ATP1B1: variants seen among roughly 807,000 people sequenced by gnomAD.
ATP1B1 encodes the protein ATPase Na+/K+ transporting subunit beta 1.
A neutral mutation model predicts 39.6 loss-of-function variants in ATP1B1; 3 were observed. The ratio of observed to expected loss-of-function variants is 0.08; its 90% CI spans 0.03 to 0.20. The LOEUF (loss-of-function observed/expected upper bound fraction) is 0.20, where lower values mean the gene tolerates loss of function less well. ATP1B1 is among the 10% of genes least tolerant of loss of function. ATP1B1 has a pLI of 1.00. For missense variants in ATP1B1, 216 were observed against 371.1 expected (o/e 0.58, Z 3.43); for synonymous variants, 139 against 135.0 (o/e 1.03, Z -0.20).
At chr1:169,123,611 C>A (rs956225366) in intron 2 of ATP1B1, among the ~76,000 whole-genome samples, 4 of 149,958 alleles carry the variant, frequency 2.7e-5, no homozygotes, top group African/African-American at 4.9e-5. Context: ...TTATATATAT[C>A]TCTATCTATC....
At chr1:169,108,562 G>T (rs1657655106) in intron 1 of ATP1B1, among the ~76,000 whole-genome samples, 2 of 152,156 alleles carry the variant, frequency 1.3e-5, no homozygotes, top group Non-Finnish European at 2.9e-5. Flanking sequence ...TTGCCTTCTT[G>T]TCTTTTTCCC....
intron 3 of ATP1B1, among the ~76,000 whole-genome samples, chr1:169,126,064 C>A (rs1658078759): frequency 6.6e-6 from 1 of 152,196 alleles, no homozygotes; most frequent in Non-Finnish European, 1.5e-5. Flanking sequence ...CAAGCATTTA[C>A]CAACTCCAGT....
intron 2 of ATP1B1, among the ~76,000 whole-genome samples, chr1:169,120,743 A>G (rs902860640): frequency 2.6e-5 from 4 of 152,188 alleles, no homozygotes; most frequent in African/African-American, 4.8e-5. Flanking sequence ...TGCTTACTGA[A>G]AAATTTGGGC....
At chr1:169,125,943 C>G (rs1658076247) in intron 3 of ATP1B1, among the ~76,000 whole-genome samples, 1 of 152,148 alleles carries the variant, frequency 6.6e-6, no homozygotes, top group African/African-American at 2.4e-5. Context: ...CCACAGCACT[C>G]CAGCCTGGGC....
Position 169,114,637 on chromosome 1 carries a change from G to C in ATP1B1, c.226+3139G>C, listed in dbSNP as rs370517986. On this transcript the variant is annotated intron_variant, in intron 2 of 5. Transcript: ENST00000367815. ...ATCTGAGAGGAGAGACTAAACTACAGAATGGAAGTGAAATGTAAGAAAAAA... is the reference window on the plus strand; with the variant it reads ...ATCTGAGAGGAGAGACTAAACTACACAATGGAAGTGAAATGTAAGAAAAAA... Among the ~76,000 whole-genome samples, 7 of 152,208 alleles carry C rather than the reference G, an allele frequency of 4.6e-5. No homozygotes were observed. In the East Asian group the frequency reaches 1.2e-3, roughly 25 times the overall value.
At chr1:169,126,190 G>T (rs1658081435) in intron 3 of ATP1B1, among the ~76,000 whole-genome samples, 1 of 152,162 alleles carries the variant, frequency 6.6e-6, no homozygotes, top group African/African-American at 2.4e-5. Context: ...TTTCTCATTA[G>T]AATTTAAATG....
intron 5 of ATP1B1, among the ~76,000 whole-genome samples, chr1:169,130,656 G>A (rs984972177): frequency 3.2e-4 from 48 of 151,978 alleles, no homozygotes; most frequent in African/African-American, 1.1e-3. Flanking sequence ...GCGTGGCGGC[G>A]CGTGCCTGTA....
At chr1:169,123,734 C>A (rs12568473) in intron 2 of ATP1B1, among the ~76,000 whole-genome samples, 1 of 151,694 alleles carries the variant, frequency 6.6e-6, no homozygotes, top group African/African-American at 2.4e-5. Context: ...TCAAGTGATT[C>A]TCCTGCCTCA....
chr1:169,126,971 C>T (rs560377138), intron 3 of ATP1B1, among the ~76,000 whole-genome samples: 3 of 152,270 alleles, frequency 2.0e-5, no homozygotes, highest in South Asian at 2.1e-4. Flanking sequence ...CTAAATATTA[C>T]GTGCTGATCA....
intron 2 of ATP1B1, among the ~76,000 whole-genome samples, chr1:169,114,311 A>T (rs1279815165): frequency 6.6e-6 from 1 of 152,180 alleles, no homozygotes; most frequent in East Asian, 1.9e-4. Context: ...CTCCATTTTC[A>T]TGTTTAGTTA....
chr1:169,120,905 A>G (rs1323999300), intron 2 of ATP1B1, among the ~76,000 whole-genome samples: 1 of 151,586 alleles, frequency 6.6e-6, no homozygotes, highest in African/African-American at 2.4e-5. Flanking sequence ...ATTTTCACAA[A>G]TGTGATCTTA....
rs993220474 is a variant in ATP1B1 at position 169,109,249 on chromosome 1, CA to C, written c.98-2114del. Among the ~76,000 whole-genome samples, 17 of 152,012 alleles carry C rather than the reference CA, an allele frequency of 1.1e-4. No homozygotes were observed. The South Asian group carries it at 1.9e-3, about 17-fold the overall frequency. Reference sequence around the variant, plus strand: ...TTGTTTGTTCATTTGTTTGTTTTTCCAAAAAAACCTCTGTATTACTTTTTTT... The same window carrying C: ...TTGTTTGTTCATTTGTTTGTTTTTCCAAAAAACCTCTGTATTACTTTTTTT... On this transcript the variant is annotated intron_variant, in intron 1 of 5. Coordinates refer to ENST00000367815, the MANE Select transcript of ATP1B1 (RefSeq NM_001677.4).
intron 2 of ATP1B1, among the ~76,000 whole-genome samples, chr1:169,115,616 T>C (rs1418243835): frequency 6.6e-6 from 1 of 152,188 alleles, no homozygotes; most frequent in Admixed American, 6.5e-5. Context: ...CCCAAAGTGC[T>C]GGGATTACAG....
intron 5 of ATP1B1, among the ~76,000 whole-genome samples, chr1:169,130,310 C>T (rs113793090): frequency 6.7e-4 from 102 of 152,246 alleles, no homozygotes; most frequent in African/African-American, 2.3e-3. Flanking sequence ...GTCAGTTTCT[C>T]CACTGGCATA....
intron 2 of ATP1B1, among the ~76,000 whole-genome samples, chr1:169,115,348 T>C (rs1657820012): frequency 6.9e-6 from 1 of 144,228 alleles, no homozygotes; most frequent in Admixed American, 6.7e-5. Flanking sequence ...TTTTTCTTTT[T>C]TTCTTTTTTT....
rs752927248 is a variant in ATP1B1, at chr1:169,127,446, A to G, written c.567+38A>G. The G allele has an allele frequency of 2.6e-6, 4 of 1,566,854 alleles. No individual in the cohort carries two copies. The South Asian group carries it at 4.7e-5, about 18-fold the overall frequency. On this transcript the variant is annotated intron_variant, in intron 4 of 5. Coordinates refer to ENST00000367815, the MANE Select transcript of ATP1B1 (RefSeq NM_001677.4). ...TTAAATGATAGAATTTAGATGAGTCATTTACACTAAGTACTTAATTGATCT... is the reference window on the plus strand; with the variant it reads ...TTAAATGATAGAATTTAGATGAGTCGTTTACACTAAGTACTTAATTGATCT...
At chr1:169,111,010 A>G (rs1571219139) in intron 1 of ATP1B1, among the ~76,000 whole-genome samples, 1 of 152,368 alleles carries the variant, frequency 6.6e-6, no homozygotes, top group East Asian at 1.9e-4. Context: ...TTGCATAAGC[A>G]TCCAAACATA....
intron 2 of ATP1B1, among the ~76,000 whole-genome samples, chr1:169,123,625 C>CTATATATA (rs1285228170): frequency 4.0e-5 from 6 of 149,706 alleles, no homozygotes; most frequent in Non-Finnish European, 8.9e-5. Flanking sequence ...ATCTATCTAT[C>CTATATATA]TATATATATA....
chr1:169,124,209 C>T (rs1184551888), intron 2 of ATP1B1, among the ~76,000 whole-genome samples: 1 of 152,132 alleles, frequency 6.6e-6, no homozygotes, highest in Non-Finnish European at 1.5e-5. Context: ...AGTGCAAACC[C>T]AAGGCATACG....
Sources: gnomAD v4.1 joint callset for allele counts (sites outside exome capture counted in the v4.1 genomes callset) on GRCh38, gnomAD v4.1.1 for gene constraint, MANE v1.5 for transcripts, NCBI Gene and HGNC (gene_info 2026-07-23, HGNC 2026-07-21) for gene names.